The following CIMAP2 variants were observed in gnomAD, a reference collection of about 807,000 sequenced individuals.
The protein encoded by CIMAP2 is ciliary microtubule-associated protein 2.
the CIMAP2 span, chr1:54,811,926 C>T: frequency 2.0e-5 from 32 of 1,614,002 alleles, no homozygotes; most frequent in African/African-American, 2.9e-4. Context: ...CCCCCGGCCT[C>T]ATCAGGTACC....
At chr1:54,820,390 C>T in the CIMAP2 span, among the ~76,000 whole-genome samples, 1 of 151,646 alleles carries the variant, frequency 6.6e-6, no homozygotes, top group Non-Finnish European at 1.5e-5. Context: ...GTTGCTAGGG[C>T]TGGTCTCAAA....
At chr1:54,838,376 G>A in the CIMAP2 span, among the ~76,000 whole-genome samples, 120 of 151,960 alleles carry the variant, frequency 7.9e-4, 1 homozygote, top group Admixed American at 2.6e-3. Flanking sequence ...CCAACTACTT[G>A]GGAGGCTGAG....
chr1:54,819,062 T>C, the CIMAP2 span, among the ~76,000 whole-genome samples: 2 of 152,204 alleles, frequency 1.3e-5, no homozygotes, highest in Non-Finnish European at 2.9e-5. Context: ...TGTCAGTCAC[T>C]GTGAGTGATT....
the CIMAP2 span, among the ~76,000 whole-genome samples, chr1:54,841,015 T>A: frequency 6.6e-6 from 1 of 152,096 alleles, no homozygotes; most frequent in South Asian, 2.1e-4. Flanking sequence ...AAATGAGGCA[T>A]GGGGCTGGGC....
the CIMAP2 span, among the ~76,000 whole-genome samples, chr1:54,824,695 T>A: frequency 7.9e-5 from 12 of 152,114 alleles, no homozygotes; most frequent in Admixed American, 7.9e-4. Context: ...TTTAATTTCC[T>A]ATATTGAATT....
the CIMAP2 span, among the ~76,000 whole-genome samples, chr1:54,809,184 G>A: frequency 6.6e-6 from 1 of 152,292 alleles, no homozygotes; most frequent in Non-Finnish European, 1.5e-5. Context: ...GGCCCTGGAG[G>A]CTCAGAGCAG....
chr1:54,811,765 G>GCCGGGGGGGGGGGGGGGCGCCCCCC, the CIMAP2 span: 1 of 1,301,330 alleles, frequency 7.7e-7, no homozygotes, highest in Non-Finnish European at 1.1e-6. Flanking sequence ...GGTTCTGACA[G>GCCGGGGGGGGGGGGGGGCGCCCCCC]CCTCCATGCC....
At chr1:54,814,168 C>T in the CIMAP2 span, among the ~76,000 whole-genome samples, 5 of 152,296 alleles carry the variant, frequency 3.3e-5, no homozygotes, top group African/African-American at 9.6e-5. Flanking sequence ...TACCCCTGTC[C>T]TATGAAGATG....
At chr1:54,811,773 G>GGCCCCACCCCCCCCCC in the CIMAP2 span, 2 of 1,325,052 alleles carry the variant, frequency 1.5e-6, no homozygotes, top group Non-Finnish European at 2.0e-6. Context: ...CAGCCTCCAT[G>GGCCCCACCCCCCCCCC]CCCCCACCCC....
chr1:54,820,041 A>ATTCC, the CIMAP2 span, among the ~76,000 whole-genome samples: 9,833 of 81,738 alleles, frequency 0.12, 631 homozygotes, highest in Non-Finnish European at 0.15. Flanking sequence ...TCCTTCATTC[A>ATTCC]TTCCTTCCTT....
At chr1:54,813,633 T>G in the CIMAP2 span, among the ~76,000 whole-genome samples, 3 of 150,926 alleles carry the variant, frequency 2.0e-5, no homozygotes, top group Admixed American at 2.0e-4. Context: ...AAAGACTGTC[T>G]GTTTCCACCA....
chr1:54,818,066 T>C, the CIMAP2 span, among the ~76,000 whole-genome samples: 9 of 152,222 alleles, frequency 5.9e-5, no homozygotes. Flanking sequence ...GCTTCAAATA[T>C]GGTTGCTGAG....
At chr1:54,812,195 T>C in the CIMAP2 span, 1 of 1,614,140 alleles carries the variant, frequency 6.2e-7, no homozygotes, top group East Asian at 2.2e-5. Flanking sequence ...TGCAGGTGTG[T>C]ACCCAGGGGT....
chr1:54,819,988 C>CT, the CIMAP2 span, among the ~76,000 whole-genome samples: 715 of 116,952 alleles, frequency 6.1e-3, 16 homozygotes, highest in African/African-American at 0.023. Context: ...TTCTCTCTTT[C>CT]TTCTTTCTTT....
the CIMAP2 span, among the ~76,000 whole-genome samples, chr1:54,813,141 CT>C: frequency 0.34 from 50,039 of 146,986 alleles, 8,966 homozygotes; most frequent in East Asian, 0.54. Flanking sequence ...GTTTGTGAGA[CT>C]TTTTTTTTTT....
chr1:54,806,923 A>G, the CIMAP2 span: 7 of 1,414,124 alleles, frequency 5.0e-6, no homozygotes, highest in East Asian at 2.3e-5. Context: ...CAACTCCCCC[A>G]TGCTCCAGAA....
At chr1:54,811,766 C>CGGGGGGGCGG in the CIMAP2 span, 1 of 1,305,190 alleles carries the variant, frequency 7.7e-7, no homozygotes, top group Non-Finnish European at 1.1e-6. Context: ...GTTCTGACAG[C>CGGGGGGGCGG]CTCCATGCCC....
the CIMAP2 span, among the ~76,000 whole-genome samples, chr1:54,833,777 C>T: frequency 2.0e-5 from 3 of 152,194 alleles, no homozygotes; most frequent in Non-Finnish European, 4.4e-5. Flanking sequence ...CTGCTCCAGG[C>T]CAGGCTCTGA....
the CIMAP2 span, among the ~76,000 whole-genome samples, chr1:54,809,204 T>C: frequency 6.6e-6 from 1 of 152,172 alleles, no homozygotes; most frequent in African/African-American, 2.4e-5. Flanking sequence ...GATAAGCAAG[T>C]TGCCCCAGAG....
Sources: gnomAD v4.1 joint callset for allele counts (sites outside exome capture counted in the v4.1 genomes callset) on GRCh38, gnomAD v4.1.1 for gene constraint, MANE v1.5 for transcripts, NCBI Gene and HGNC (gene_info 2026-07-23, HGNC 2026-07-21) for gene names.